Variants in GABRB3 observed in about 807,000 individuals in gnomAD.
GABRB3 encodes gamma-aminobutyric acid receptor subunit beta-3.
Under a neutral mutation model 52.1 loss-of-function variants are expected in GABRB3, and 14 were observed. The observed-to-expected ratio is 0.27, with a 90% CI of 0.18 to 0.42. The LOEUF is 0.42. GABRB3 is among the 10% of genes least tolerant of loss of function. GABRB3 has a pLI of 1.00. For missense variants in GABRB3, 307 were observed against 609.1 expected (o/e 0.50, Z 5.22); for synonymous variants, 260 against 232.3 (o/e 1.12, Z -1.08).
At chr15:26,724,609 G>A (rs1034786898) in intron 3 of GABRB3, among the ~76,000 whole-genome samples, 2 of 152,134 alleles carry the variant, frequency 1.3e-5, no homozygotes, top group Non-Finnish European at 2.9e-5. Flanking sequence ...ACAGTGAGGG[G>A]TAATGCATCC....
chr15:26,761,959 A>C (rs571875593), intron 3 of GABRB3, among the ~76,000 whole-genome samples: 10 of 152,160 alleles, frequency 6.6e-5, no homozygotes, highest in Non-Finnish European at 1.3e-4. Context: ...CAGCCTCCCG[A>C]GCAGCTGGGA....
intron 3 of GABRB3, among the ~76,000 whole-genome samples, chr15:26,771,637 A>T (rs1178048031): frequency 6.6e-6 from 1 of 152,236 alleles, no homozygotes; most frequent in Non-Finnish European, 1.5e-5. Flanking sequence ...CACTCCTGGC[A>T]AAAGCCCGCT....
intron 3 of GABRB3, among the ~76,000 whole-genome samples, chr15:26,746,581 TG>T (rs752905227): frequency 7.1e-5 from 10 of 140,272 alleles, no homozygotes; most frequent in Middle Eastern, 3.6e-3. Flanking sequence ...GTCCGTTTTT[TG>T]TTTTTTTTTT....
rs373552704 is a variant in GABRB3 at position 26,568,684 on chromosome 15, G to GTGTTTTTTTTTTT, written c.683-952_683-951insAAAAAAAAAAACA. On this transcript the variant is annotated intron_variant, in intron 6 of 8. Coordinates refer to ENST00000311550, the MANE Select transcript of GABRB3 (RefSeq NM_000814.6). ...AGCTAGGTTTTTTTTTTTTTTTTTGGTTTTGTATGTTTAGTAGAGACAGGG... is the reference window on the plus strand; with the variant it reads ...AGCTAGGTTTTTTTTTTTTTTTTTGGTGTTTTTTTTTTTTTTTGTATGTTTAGTAGAGACAGGG... Among the ~76,000 whole-genome samples the GTGTTTTTTTTTTT allele has an allele frequency of 1.1e-3, 144 of 133,710 alleles. 2 individuals carry two copies. The highest frequency in any genetic ancestry group is 2.5e-3 in the South Asian group (10 of 3,924). 87.7% of individuals were successfully genotyped at this position (133,710 alleles called of 152,430 possible).
chr15:26,671,307 T>C (rs1332840695), intron 3 of GABRB3, among the ~76,000 whole-genome samples: 1 of 152,224 alleles, frequency 6.6e-6, no homozygotes, highest in African/African-American at 2.4e-5. Context: ...ACAGAATTCA[T>C]TATGCTACTC....
In GABRB3 at chr15:26,621,994, T is replaced by A. The variant is rs924984341; in HGVS notation, c.241-460A>T. Among the ~76,000 whole-genome samples the A allele has an allele frequency of 5.9e-5, 9 of 152,134 alleles. No homozygotes were observed. The highest frequency in any genetic ancestry group is 1.2e-4 in the Non-Finnish European group (8 of 68,024). ...CACTTTCCTCTGGTTCTGCCCTCCA[T>A]GAGGGCTATAAATACAAACCTTCCA... On this transcript the variant is annotated intron_variant, in intron 3 of 8. Transcript: ENST00000311550. This position sits in a 1 kb window ranked among gnomAD's most constrained non-coding sequence, Gnocchi z 4.1.
chr15:26,628,663 G>C (rs1892801982), intron 3 of GABRB3, among the ~76,000 whole-genome samples: 1 of 149,496 alleles, frequency 6.7e-6, no homozygotes, highest in Non-Finnish European at 1.5e-5. Context: ...ACCCTACACA[G>C]CTATTTTCGC....
intron 4 of GABRB3, among the ~76,000 whole-genome samples, chr15:26,607,584 CCAAA>C (rs1566771279): frequency 3.4e-5 from 4 of 117,726 alleles, no homozygotes. Flanking sequence ...AAAAAACTCA[CCAAA>C]CAAACAAAAC....
At chr15:26,678,938 A>G (rs1340781846) in intron 3 of GABRB3, among the ~76,000 whole-genome samples, 1 of 152,056 alleles carries the variant, frequency 6.6e-6, no homozygotes, top group East Asian at 1.9e-4. Context: ...GTTTCTATGA[A>G]CCTCAACTAT....
chr15:26,625,548 A>C (rs575954473), intron 3 of GABRB3: 2 of 940,908 alleles, frequency 2.1e-6, no homozygotes, highest in African/African-American at 1.8e-5. Flanking sequence ...CAGAAACAGA[A>C]GATACTTTGA....
At chr15:26,656,557 C>A (rs569214721) in intron 3 of GABRB3, among the ~76,000 whole-genome samples, 1 of 152,358 alleles carries the variant, frequency 6.6e-6, no homozygotes, top group African/African-American at 2.4e-5. Flanking sequence ...GGCCACACAG[C>A]AGCAGGAGAG....
intron 3 of GABRB3, among the ~76,000 whole-genome samples, chr15:26,750,750 G>A (rs1164074950): frequency 6.6e-6 from 1 of 152,166 alleles, no homozygotes; most frequent in East Asian, 1.9e-4. Context: ...GTAGAAAACT[G>A]CCAGAGATAT....
At chr15:26,625,588 T>TATTGGCTGTTGGG in intron 3 of GABRB3, 1 of 603,360 alleles carries the variant, frequency 1.7e-6, no homozygotes, top group Non-Finnish European at 2.1e-6. Context: ...ATTAAAGGAA[T>TATTGGCTGTTGGG]AGCAGAGGGG....
chr15:26,665,210 G>T (rs1887672581), intron 3 of GABRB3, among the ~76,000 whole-genome samples: 1 of 152,108 alleles, frequency 6.6e-6, no homozygotes, highest in East Asian at 1.9e-4. Context: ...CCATCTGTAT[G>T]TTTCTACCTG....
chr15:26,718,536 T>C (rs567328062), intron 3 of GABRB3, among the ~76,000 whole-genome samples: 3 of 152,298 alleles, frequency 2.0e-5, no homozygotes, highest in Admixed American at 6.5e-5. Context: ...TTAATACTTA[T>C]AAAGAATCCA....
intron 3 of GABRB3, among the ~76,000 whole-genome samples, chr15:26,732,477 C>A (rs1045318320): frequency 1.3e-5 from 2 of 152,216 alleles, no homozygotes; most frequent in African/African-American, 2.4e-5. Flanking sequence ...AAACAGGGAA[C>A]AACATTTTGG....
intron 3 of GABRB3, among the ~76,000 whole-genome samples, chr15:26,647,189 G>T (rs11161327): frequency 6.6e-6 from 1 of 151,978 alleles, no homozygotes; most frequent in African/African-American, 2.4e-5. Flanking sequence ...CTTTGCCCAC[G>T]TATGTTAAAA....
chr15:26,718,277 C>T (rs879283480), intron 3 of GABRB3, among the ~76,000 whole-genome samples: 1 of 152,104 alleles, frequency 6.6e-6, no homozygotes, highest in Non-Finnish European at 1.5e-5. Flanking sequence ...GGCACGATCT[C>T]GGCTCACCGC....
intron 3 of GABRB3, among the ~76,000 whole-genome samples, chr15:26,758,084 T>C (rs899045766): frequency 5.4e-5 from 8 of 148,260 alleles, no homozygotes; most frequent in Admixed American, 2.7e-4. Flanking sequence ...CAAGTAGCCA[T>C]ACAGAAAAAA....
Sources: allele counts gnomAD v4.1 joint callset (sites outside exome capture counted in the v4.1 genomes callset), GRCh38; gene constraint gnomAD v4.1.1; non-coding constraint Gnocchi (gnomAD v3.1); transcripts MANE v1.5; gene names NCBI Gene and HGNC (gene_info 2026-07-23, HGNC 2026-07-21).